DVL2: variants seen among roughly 807,000 people sequenced by gnomAD.
DVL2 encodes the protein dishevelled segment polarity protein 2.
DVL2 carries 38 observed loss-of-function variants against 69.8 expected under a neutral mutation model. That is an observed-to-expected ratio of 0.54 (90% CI 0.42 to 0.71). DVL2 has a LOEUF of 0.71. DVL2 is among the 30% of genes least tolerant of loss of function. The pLI is 0.00. For synonymous variants in DVL2, 428 were observed against 392.4 expected (o/e 1.09, Z -1.07); for missense variants, 931 against 1,008.1 (o/e 0.92, Z 1.04).
In DVL2 at chr17:7,233,087, C is replaced by CAAA. The variant is rs59984818; in HGVS notation, c.194+979_194+981dup. On this transcript the variant is annotated intron_variant, in intron 1 of 14. Coordinates refer to ENST00000005340, the MANE Select transcript of DVL2 (RefSeq NM_004422.3). ...CCTGGGCGACAGAGCGAGACTGTCT[C>CAAA]AAAAAAAAAAAAAAAAAAAAGCAGA... 1.2e-3 allele frequency among the ~76,000 whole-genome samples: 44 copies of CAAA among 36,284 alleles called. 1 individual carries two copies. Among genetic ancestry groups the CAAA allele is most frequent in the African/African-American group, 2.4e-3 (30 of 12,260 alleles). 23.8% of individuals were successfully genotyped at this position (36,284 alleles called of 152,430 possible).
intron 13 of DVL2, 171 bp downstream of exon 13, chr17:7,226,919 A>T (rs1429482643): frequency 1.4e-6 from 1 of 702,124 alleles, no homozygotes; most frequent in Non-Finnish European, 2.3e-6. Flanking sequence ...CCAGCAGCAC[A>T]TGGGTGGACG....
In DVL2 at chr17:7,229,922, C is replaced by T. The variant is rs11549559; in HGVS notation, c.542G>A (p.Gly181Asp). Residue 181 changes from glycine to aspartate, a missense_variant, in exon 5 of 15, where the codon GGC (glycine) becomes GAC (aspartate). Physicochemically the swap from Gly to Asp is moderately conservative, Grantham distance 94. Coordinates refer to ENST00000005340, the MANE Select transcript of DVL2 (RefSeq NM_004422.3). The surrounding 1 kb of genome is among the most constrained non-coding windows in gnomAD (Gnocchi z 4.4). ...CAGGTGGCGCTCCAGCCTTGAGGGG[C>T]CACCAGTCCTGTGGCCCCCAGCTAC... ...EHGAGGHRTG[G>D]PSRLERHLAG... 4 of 1,608,880 alleles carry T rather than the reference C, an allele frequency of 2.5e-6. No homozygotes were observed. The highest frequency in any genetic ancestry group is 2.5e-6 in the Non-Finnish European group (3 of 1,179,836).
rs147861581 is a variant in DVL2 at position 7,226,008 on chromosome 17, G to A, written c.2068C>T (p.Pro690Ser). 5 of 1,613,148 alleles carry A rather than the reference G, an allele frequency of 3.1e-6. No individual in the cohort carries two copies. Among genetic ancestry groups the A allele is most frequent in the Non-Finnish European group, 4.2e-6 (5 of 1,179,736 alleles). The change falls in exon 15 of 15, where the codon CCT becomes TCT. Residue 690 changes from proline (P) to serine (S), a missense_variant. Physicochemically the swap from Pro to Ser is moderately conservative, Grantham distance 74 (BLOSUM62 -1). Coordinates refer to ENST00000005340, the MANE Select transcript of DVL2 (RefSeq NM_004422.3). ...MMVVMMPPPP[P>S]PVPPAVQPPG... The stretch of plus-strand genomic sequence containing the variant: ...GGCTGCACTGCTGGAGGGACTGGAG[G>A]TGGAGGTGGGGGCATCATGACCACC...
chr17:7,234,345 G>T lies in DVL2; in HGVS notation c.-83C>A. 1 of 1,482,446 alleles carries T rather than the reference G, an allele frequency of 6.7e-7. No homozygotes were observed. Among genetic ancestry groups the T allele is most frequent in the Non-Finnish European group, 9.1e-7 (1 of 1,094,674 alleles). 91.8% of individuals were successfully genotyped at this position (1,482,446 alleles called of 1,614,324 possible). ...CCGCGCCTGCGCACACCCGCAAACC[G>T]ACGCGCGAGCGCGGACAGGACTGAC... On this transcript the variant is annotated 5_prime_UTR_variant, in exon 1 of 15. Coordinates refer to ENST00000005340, the MANE Select transcript of DVL2 (RefSeq NM_004422.3).
Position 7,229,903 on chromosome 17 carries a change from G to A in DVL2, c.561C>T (p.Arg187=). The A allele has an allele frequency of 6.2e-7, 1 of 1,609,906 alleles. No homozygotes were observed. The highest frequency in any genetic ancestry group is 8.5e-7 in the Non-Finnish European group (1 of 1,179,912). ...AGGAGCTCTCGTATCCGGCCAGGTG[G>A]CGCTCCAGCCTTGAGGGGCCACCAG... ...HRTGGPSRLE[R]HLAGYESSST... Residue 187 remains arginine, a synonymous_variant, in exon 5 of 15, where the codon CGC becomes CGT. Coordinates refer to ENST00000005340, the MANE Select transcript of DVL2 (RefSeq NM_004422.3). The surrounding 1 kb of genome is among the most constrained non-coding windows in gnomAD (Gnocchi z 4.4).
intron 13 of DVL2, chr17:7,226,882 C>G: frequency 1.6e-6 from 1 of 638,050 alleles, no homozygotes; most frequent in East Asian, 2.8e-5. Context: ...CCGGTGGACA[C>G]AGTCCTGCAC....
At chr17:7,232,905 C>T (rs930063390) in intron 1 of DVL2, among the ~76,000 whole-genome samples, 4 of 151,844 alleles carry the variant, frequency 2.6e-5, no homozygotes, top group Non-Finnish European at 5.9e-5. Context: ...CTGGCTAAAA[C>T]GGTGAAACCC....
chr17:7,227,905 C>G, intron 10 of DVL2, 72 bp downstream of exon 10: 2 of 1,571,848 alleles, frequency 1.3e-6, no homozygotes, highest in Non-Finnish European at 1.7e-6. Context: ...TTCCCCATGA[C>G]CACAGGCCCG....
At chr17:7,226,727 C>T in intron 13 of DVL2, 88 bp from the exon 14 acceptor site, 5 of 1,056,362 alleles carry the variant, frequency 4.7e-6, no homozygotes, top group Non-Finnish European at 5.2e-6. Context: ...GGGAACAGTT[C>T]TCCCAGACCC....
chr17:7,227,332 G>A lies in DVL2; in HGVS notation c.1364-63C>T, dbSNP rs2071473108. Reference sequence around the variant, plus strand: ...TCTTCCAACTCCTGCTCTCGCCTCTGCCTGTGCCATTCCTGGCTTTGGTCA... The same window carrying A: ...TCTTCCAACTCCTGCTCTCGCCTCTACCTGTGCCATTCCTGGCTTTGGTCA... On this transcript the variant is annotated intron_variant, in intron 12 of 14. Coordinates refer to ENST00000005340, the MANE Select transcript of DVL2 (RefSeq NM_004422.3). 7 of 1,604,002 alleles carry A rather than the reference G, an allele frequency of 4.4e-6. No homozygotes were observed. The South Asian group carries it at 7.7e-5, about 18-fold the overall frequency.
chr17:7,232,532 A>G (rs765499804), intron 1 of DVL2, among the ~76,000 whole-genome samples: 4 of 152,262 alleles, frequency 2.6e-5, no homozygotes, highest in Non-Finnish European at 5.9e-5. Flanking sequence ...CCATTCACCA[A>G]GAATTTCCCG....
At position 7,234,230 on chromosome 17, in the gene DVL2, A is replaced by G; in HGVS notation, c.33T>C (p.Val11=). 1.3e-6 allele frequency: 2 copies of G among 1,588,134 alleles called. No individual in the cohort carries two copies. Among genetic ancestry groups the G allele is most frequent in the Non-Finnish European group, 1.7e-6 (2 of 1,166,952 alleles). ...GGTGGTAAATCACCTTCGTCTCCCC[A>G]ACCCCACCGCCCCCAGTGCTGCTAC... The part of the protein sequence containing the change: MAGSSTGGGG[V]GETKVIYHLD... Residue 11 remains valine, a synonymous_variant, in exon 1 of 15, where the codon GTT becomes GTC. Coordinates refer to ENST00000005340, the MANE Select transcript of DVL2 (RefSeq NM_004422.3).
At chr17:7,228,263 C>A in intron 9 of DVL2, 1 of 470,370 alleles carries the variant, frequency 2.1e-6, no homozygotes, top group South Asian at 3.4e-5. Flanking sequence ...CAAGAGAGTA[C>A]ACGCTGTACA....
intron 10 of DVL2, 83 bp from the exon 11 acceptor site, chr17:7,227,866 C>T: frequency 6.4e-7 from 1 of 1,558,520 alleles, no homozygotes; most frequent in South Asian, 1.2e-5. Flanking sequence ...CCTCCTGTTC[C>T]ACCTCTGCCT....
Position 7,226,643 on chromosome 17 carries a change from G to A in DVL2, c.1544-4C>T, listed in dbSNP as rs758307598. The A allele has an allele frequency of 4.5e-6, 7 of 1,540,762 alleles. No individual in the cohort carries two copies. Among genetic ancestry groups the A allele is most frequent in the Non-Finnish European group, 6.1e-6 (7 of 1,147,086 alleles). Reference sequence around the variant, plus strand: ...TTGAGAGACAGGTTGACTAGGTCTGGAAAGCAAGGGAAGAGAGGAAGAAAT... The same window carrying A: ...TTGAGAGACAGGTTGACTAGGTCTGAAAAGCAAGGGAAGAGAGGAAGAAAT... On this transcript the variant is annotated splice_region_variant and splice_polypyrimidine_tract_variant and intron_variant, in intron 13 of 14. Coordinates refer to ENST00000005340, the MANE Select transcript of DVL2 (RefSeq NM_004422.3).
intron 9 of DVL2, chr17:7,228,470 G>A (rs1258366036): frequency 1.7e-5 from 3 of 181,434 alleles, no homozygotes; most frequent in South Asian, 2.5e-4. Context: ...AAGTTCTAGG[G>A]TATCAGCAAT....
intron 9 of DVL2, chr17:7,228,524 C>T (rs751914563): frequency 5.4e-6 from 1 of 184,084 alleles, no homozygotes; most frequent in African/African-American, 2.4e-5. Flanking sequence ...GATATTTACT[C>T]TAGTATTATT....
intron 9 of DVL2, chr17:7,228,347 C>T (rs2071490110): frequency 4.4e-6 from 1 of 227,116 alleles, no homozygotes; most frequent in Non-Finnish European, 8.7e-6. Context: ...AGGGTGGTAA[C>T]TATCCAGTGA....
In DVL2 at chr17:7,226,202, G is replaced by A; in HGVS notation, c.1874C>T (p.Ser625Phe). The A allele has an allele frequency of 6.2e-7, 1 of 1,612,420 alleles. No individual in the cohort carries two copies. The highest frequency in any genetic ancestry group is 8.5e-7 in the Non-Finnish European group (1 of 1,179,702). Residue 625 changes from serine (S) to phenylalanine (F), a missense_variant, in exon 15 of 15, where the codon TCC (serine) becomes TTC (phenylalanine). Ser to Phe is a radical substitution (Grantham distance 155). Transcript: ENST00000005340. Reference protein sequence around the residue: ...KSGSGSESEPSSRGGSLRRGG... With the variant: ...KSGSGSESEPFSRGGSLRRGG... ...CCGCCGAAGGCTGCCCCCTCGGCTG[G>A]AGGGCTCAGACTCACTGCCACTGCC...
Sources: allele counts gnomAD v4.1 joint callset (sites outside exome capture counted in the v4.1 genomes callset), GRCh38; gene constraint gnomAD v4.1.1; non-coding constraint Gnocchi (gnomAD v3.1); transcripts MANE v1.5; gene names NCBI Gene and HGNC (gene_info 2026-07-23, HGNC 2026-07-21).